JAML: variants seen among roughly 807,000 people sequenced by gnomAD.
JAML encodes the protein junction adhesion molecule like, also known as junctional adhesion molecule-like.
In JAML, 25 loss-of-function variants were observed where a neutral mutation model predicts 39.3. The ratio of observed to expected loss-of-function variants is 0.64; its 90% CI spans 0.46 to 0.89. The LOEUF (loss-of-function observed/expected upper bound fraction) is 0.89. Ranked by LOEUF, JAML falls within the 40% of genes least tolerant of loss-of-function variation. The pLI is 0.00. For synonymous variants in JAML, 162 were observed against 179.2 expected, an observed-to-expected ratio of 0.90 and a Z score of 0.77; for missense variants, 440 against 486.9, an observed-to-expected ratio of 0.90 and a Z score of 0.91.
intron 5 of JAML, 53 bp from the exon 6 acceptor site, chr11:118,203,718 G>C (rs1948862539): frequency 6.7e-7 from 1 of 1,487,308 alleles, no homozygotes; most frequent in African/African-American, 1.4e-5. Flanking sequence ...GTGGAGCGGG[G>C]AGCAGAGAAA....
chr11:118,200,496 T>C lies in JAML; in HGVS notation c.889A>G (p.Lys297Glu). ...LLLPVLILIV[K>E]KTCGNKSSVN... ...TACCTCTTATTTCCACAGGTCTTCT[T>C]CACGATCAATATCAGAACAGGGAGC... Residue 297 changes from lysine (K) to glutamate (E), a missense_variant, in exon 7 of 10, where the codon AAG (lysine) becomes GAG (glutamate). Lys to Glu is a moderately conservative substitution (Grantham distance 56, BLOSUM62 1). Coordinates refer to ENST00000356289, the MANE Select transcript of JAML (RefSeq NM_001098526.2). 1 of 1,614,034 alleles carries C rather than the reference T, an allele frequency of 6.2e-7. No homozygotes were observed. The highest frequency in any genetic ancestry group is 1.1e-5 in the South Asian group (1 of 91,072).
chr11:118,212,685 C>T, intron 2 of JAML, 124 bp from the exon 3 acceptor site: 6 of 1,504,944 alleles, frequency 4.0e-6, no homozygotes, highest in South Asian at 3.9e-5. Flanking sequence ...ACAAAGTCCT[C>T]GGAGGCATGT....
At chr11:118,223,731 G>A (rs2134682702) in intron 1 of JAML, among the ~76,000 whole-genome samples, 1 of 152,092 alleles carries the variant, frequency 6.6e-6, no homozygotes, top group East Asian at 1.9e-4. Context: ...TCTTCTCTGA[G>A]CAACTCTCCT....
intron 9 of JAML, among the ~76,000 whole-genome samples, chr11:118,196,427 CGT>C (rs1301017980): frequency 6.6e-6 from 1 of 152,136 alleles, no homozygotes; most frequent in Non-Finnish European, 1.5e-5. Flanking sequence ...CACACCCGGC[CGT>C]GTTTTCTTTA....
chr11:118,210,621 T>C lies in JAML; in HGVS notation c.290A>G (p.Asn97Ser). Residue 97 changes from asparagine (N) to serine (S), a missense_variant, in exon 4 of 10, where the codon AAT becomes AGT. Transcript: ENST00000356289. ...RVHLMGDILCNDGSLLLQDVQ... is the reference protein window; with the variant it reads ...RVHLMGDILCSDGSLLLQDVQ... ...ATCTTGGAGCAGGAGAGAGCCATCA[T>C]TGCATAAGATGTCCCCCATCAAGTG... 1 of 1,614,224 alleles carries C rather than the reference T, an allele frequency of 6.2e-7. No individual in the cohort carries two copies. The highest frequency in any genetic ancestry group is 1.1e-5 in the South Asian group (1 of 91,082).
At position 118,210,564 on chromosome 11, in the gene JAML, C is replaced by G. The variant is rs1949030966; in HGVS notation, c.347G>C (p.Cys116Ser). 2 of 1,614,212 alleles carry G rather than the reference C, an allele frequency of 1.2e-6. No homozygotes were observed. Among genetic ancestry groups the G allele is most frequent in the Non-Finnish European group, 1.7e-6 (2 of 1,180,030 alleles). Reference sequence around the variant, plus strand: ...GCTCTCCCCTTTGAGGCGGATTTCACAGATATAGGTTCCCTGGTCAGCCTC... The same window carrying G: ...GCTCTCCCCTTTGAGGCGGATTTCAGAGATATAGGTTCCCTGGTCAGCCTC... ...VQEADQGTYI[C>S]EIRLKGESQV... is the part of the protein sequence containing the mutation. Residue 116 changes from cysteine (C) to serine (S), a missense_variant, in exon 4 of 10, where the codon TGT (cysteine) becomes TCT (serine). Transcript: ENST00000356289.
rs1321438875 is a variant in JAML at position 118,205,689 on chromosome 11, C to T, written c.534+193G>A. ...CATCCAAAAAGTTAAGCATCATCATCATCTTCTTGTTCTTGTTCTTCATTG... is the reference window on the plus strand; with the variant it reads ...CATCCAAAAAGTTAAGCATCATCATTATCTTCTTGTTCTTGTTCTTCATTG... On this transcript the variant is annotated intron_variant, in intron 5 of 9. Coordinates refer to ENST00000356289, the MANE Select transcript of JAML (RefSeq NM_001098526.2). The T allele has an allele frequency of 8.7e-6, 5 of 574,476 alleles. No individual in the cohort carries two copies. The East Asian group carries it at 1.5e-4, about 17-fold the overall frequency. 35.6% of individuals were successfully genotyped at this position (574,476 alleles called of 1,614,324 possible). A position where few individuals can be genotyped will look rare whatever the true frequency, so the allele number is the denominator to read the frequency against.
chr11:118,205,459 G>C (rs1948896741), intron 5 of JAML: 1 of 160,236 alleles, frequency 6.2e-6, no homozygotes, highest in African/African-American at 2.4e-5. Context: ...ATGGGGCACA[G>C]ATGAAAACTC....
intron 3 of JAML, 41 bp from the exon 4 acceptor site, chr11:118,210,753 C>G (rs17121882): frequency 6.4e-7 from 1 of 1,551,540 alleles, no homozygotes. Context: ...AAAAGAGGTG[C>G]CAGACCGAGG....
chr11:118,213,314 T>C, intron 2 of JAML: 1 of 1,039,890 alleles, frequency 9.6e-7, no homozygotes, highest in South Asian at 3.6e-5. Context: ...TCAAGAAAGA[T>C]ACATTTAGAT....
At chr11:118,196,331 T>C (rs1177602160) in intron 9 of JAML, among the ~76,000 whole-genome samples, 3 of 152,070 alleles carry the variant, frequency 2.0e-5, no homozygotes, top group African/African-American at 7.2e-5. Context: ...TTTTGCCACA[T>C]TGGCCAGGCT....
intron 1 of JAML, among the ~76,000 whole-genome samples, chr11:118,221,084 T>C (rs962179647): frequency 6.6e-6 from 1 of 152,238 alleles, no homozygotes. Flanking sequence ...CTTTTGCTTA[T>C]ATGGTAAAAA....
At chr11:118,210,412 G>A in intron 4 of JAML, 75 bp downstream of exon 4, 1 of 1,446,190 alleles carries the variant, frequency 6.9e-7, no homozygotes, top group Non-Finnish European at 9.6e-7. Context: ...ATTTACTCAA[G>A]ATAATCAGTT....
At chr11:118,208,690 A>G (rs1219258041) in intron 4 of JAML, among the ~76,000 whole-genome samples, 2 of 152,142 alleles carry the variant, frequency 1.3e-5, no homozygotes, top group African/African-American at 4.8e-5. Flanking sequence ...TCTATTCCAC[A>G]CTCTTAAAGA....
intron 1 of JAML, among the ~76,000 whole-genome samples, chr11:118,223,094 C>CAAAAA (rs56175225): frequency 5.4e-5 from 5 of 93,192 alleles, no homozygotes; most frequent in African/African-American, 2.1e-4. Flanking sequence ...GACTCTGTCT[C>CAAAAA]AAAAAAAAAA....
At chr11:118,203,121 T>C in intron 6 of JAML, 1 of 535,852 alleles carries the variant, frequency 1.9e-6, no homozygotes, top group Non-Finnish European at 3.6e-6. Flanking sequence ...CCTGAGCTTC[T>C]GTATCTTTAC....
At chr11:118,220,019 G>A (rs1314898139) in intron 1 of JAML, among the ~76,000 whole-genome samples, 4 of 152,222 alleles carry the variant, frequency 2.6e-5, no homozygotes, top group Non-Finnish European at 5.9e-5. Context: ...AGTTTTGTCT[G>A]CCTTGCCCGG....
chr11:118,213,760 C>T (rs768269039), intron 2 of JAML, among the ~76,000 whole-genome samples: 1 of 152,264 alleles, frequency 6.6e-6, no homozygotes, highest in South Asian at 2.1e-4. Flanking sequence ...AACCTCTCCA[C>T]AAAAAACTAC....
At chr11:118,201,388 C>T (rs986324008) in intron 6 of JAML, 1 of 152,224 alleles carries the variant, frequency 6.6e-6, no homozygotes, top group African/African-American at 2.4e-5. Flanking sequence ...GGATGTTCTG[C>T]ATGAGATCTG....
Sources: gnomAD v4.1 joint callset for allele counts (sites outside exome capture counted in the v4.1 genomes callset) on GRCh38, gnomAD v4.1.1 for gene constraint, MANE v1.5 for transcripts, NCBI Gene and HGNC (gene_info 2026-07-23, HGNC 2026-07-21) for gene names.